IQSEC1: variants seen among roughly 807,000 people sequenced by gnomAD.
The protein encoded by IQSEC1 is IQ motif and SEC7 domain-containing protein 1.
In IQSEC1, 31 loss-of-function variants were observed where a neutral mutation model predicts 91.0. The observed-to-expected ratio is 0.34, with a 90% CI of 0.26 to 0.46. IQSEC1 has a LOEUF of 0.46. IQSEC1 is among the 20% of genes least tolerant of loss of function. IQSEC1 has a pLI of 1.00. For missense variants in IQSEC1, 1,388 were observed against 1,575.6 expected, an observed-to-expected ratio of 0.88 and a Z score of 2.02; for synonymous variants, 699 against 662.6, an observed-to-expected ratio of 1.05 and a Z score of -0.84.
chr3:12,951,549 C>G (rs1699547403), intron 1 of IQSEC1, among the ~76,000 whole-genome samples: 1 of 152,194 alleles, frequency 6.6e-6, no homozygotes, highest in Middle Eastern at 3.2e-3. Flanking sequence ...TAGTGCCGGT[C>G]AGCCATACCC....
chr3:13,236,779 G>A (rs963221713), intron 1 of IQSEC1, among the ~76,000 whole-genome samples: 6 of 152,246 alleles, frequency 3.9e-5, no homozygotes, highest in African/African-American at 1.4e-4. Context: ...CATCTACGCT[G>A]CCATCAGCCT....
intron 1 of IQSEC1, among the ~76,000 whole-genome samples, chr3:13,068,011 C>G (rs1449726200): frequency 2.6e-5 from 4 of 152,184 alleles, no homozygotes; most frequent in Non-Finnish European, 5.9e-5. Flanking sequence ...GCTTGCTGGC[C>G]CGCAGGCAAA....
intron 2 of IQSEC1, among the ~76,000 whole-genome samples, chr3:13,160,757 G>A (rs532490006): frequency 6.6e-6 from 1 of 152,290 alleles, no homozygotes; most frequent in East Asian, 1.9e-4. Flanking sequence ...TCCTGCCCAG[G>A]GCTCCCAGCA....
chr3:13,097,203 C>T (rs1178212343), intron 2 of IQSEC1, among the ~76,000 whole-genome samples: 1 of 152,226 alleles, frequency 6.6e-6, no homozygotes, highest in African/African-American at 2.4e-5. Context: ...TGCAAACCTT[C>T]CAGAGGGAAG....
rs980708518 is a variant in IQSEC1, at chr3:12,920,500, G to C, written c.1950C>G (p.Thr650=). 5.0e-6 allele frequency: 8 copies of C among 1,614,050 alleles called. No individual in the cohort carries two copies. The African/African-American group carries it at 1.1e-4, about 22-fold the overall frequency. The change falls in exon 6 of 14, where the codon ACC becomes ACG. Residue 650 remains threonine, a synonymous_variant. Coordinates refer to ENST00000613206, the MANE Select transcript of IQSEC1 (RefSeq NM_001134382.3). ...ILAFAIILLN[T]DMYSPNVKPE... is the part of the protein sequence containing the mutation. The stretch of plus-strand genomic sequence containing the variant: ...GCTTGACATTGGGGCTGTACATGTC[G>C]GTGTTCAGCAGGATGATGGCGAAGG...
chr3:12,919,617 G>C (rs1696425371), intron 6 of IQSEC1, among the ~76,000 whole-genome samples: 1 of 152,260 alleles, frequency 6.6e-6, no homozygotes, highest in Non-Finnish European at 1.5e-5. Flanking sequence ...GAGCCAGGCT[G>C]TATTCACACT....
intron 1 of IQSEC1, among the ~76,000 whole-genome samples, chr3:13,019,014 C>A (rs1703274615): frequency 6.6e-6 from 1 of 152,202 alleles, no homozygotes; most frequent in Non-Finnish European, 1.5e-5. Context: ...TGCTGGATGC[C>A]AAGCCAACAG....
chr3:13,139,800 A>G (rs1706769759), intron 2 of IQSEC1, among the ~76,000 whole-genome samples: 1 of 152,228 alleles, frequency 6.6e-6, no homozygotes, highest in African/African-American at 2.4e-5. Flanking sequence ...AAGCCCCAGC[A>G]TCTGCCTACA....
intron 1 of IQSEC1, among the ~76,000 whole-genome samples, chr3:13,005,208 C>T (rs1229524520): frequency 6.6e-6 from 1 of 152,148 alleles, no homozygotes; most frequent in Non-Finnish European, 1.5e-5. Flanking sequence ...TGATGATAAA[C>T]AGGTCTCTTC....
chr3:13,021,187 C>T (rs577367101), intron 1 of IQSEC1, among the ~76,000 whole-genome samples: 1 of 152,308 alleles, frequency 6.6e-6, no homozygotes, highest in African/African-American at 2.4e-5. Flanking sequence ...GATGGGGAGA[C>T]CCCAGCCTTG....
intron 5 of IQSEC1, 136 bp from the exon 6 acceptor site, chr3:12,920,732 G>C (rs1696554897): frequency 3.2e-6 from 3 of 926,966 alleles, no homozygotes; most frequent in Middle Eastern, 3.3e-4. Flanking sequence ...CTGCCTGTCG[G>C]AGTTGGCCCT....
chr3:12,940,590 C>T lies in IQSEC1; in HGVS notation c.318+981G>A, dbSNP rs1354778114. ...GCAGGGGCAGAGGCAGCTGCCTGGG[C>T]ATCTGGAGGAGCTGTCTAGAGCTCA... is the stretch of plus-strand genomic sequence containing the variant. On this transcript the variant is annotated intron_variant, in intron 2 of 13. Coordinates refer to ENST00000613206, the MANE Select transcript of IQSEC1 (RefSeq NM_001134382.3). The surrounding 1 kb of genome is among the most constrained non-coding windows in gnomAD (Gnocchi z 4.4). 1.3e-5 allele frequency among the ~76,000 whole-genome samples: 2 copies of T among 151,684 alleles called. No individual in the cohort carries two copies. Among genetic ancestry groups the T allele is most frequent in the Admixed American group, 6.6e-5 (1 of 15,244 alleles).
chr3:12,976,345 G>A (rs1225628722), intron 1 of IQSEC1, among the ~76,000 whole-genome samples: 1 of 152,204 alleles, frequency 6.6e-6, no homozygotes, highest in Non-Finnish European at 1.5e-5. Context: ...TGGGGAAGCG[G>A]TCCTTGCCTT....
At chr3:13,274,572 G>A (rs1192687100) in intron 1 of IQSEC1, among the ~76,000 whole-genome samples, 1 of 152,230 alleles carries the variant, frequency 6.6e-6, no homozygotes. Flanking sequence ...GCCAGAAGAG[G>A]GGCCCCCATC....
At chr3:13,188,600 T>G (rs1185287484) in intron 1 of IQSEC1, among the ~76,000 whole-genome samples, 2 of 152,234 alleles carry the variant, frequency 1.3e-5, no homozygotes, top group Non-Finnish European at 1.5e-5. Context: ...AACCCAGCTT[T>G]GAACCATGCT....
At chr3:13,066,712 C>G (rs1705243573) in intron 1 of IQSEC1, among the ~76,000 whole-genome samples, 1 of 152,230 alleles carries the variant, frequency 6.6e-6, no homozygotes, top group Admixed American at 6.5e-5. Flanking sequence ...CCACCCCGTT[C>G]TCTTCCCAGC....
At chr3:13,187,687 T>C (rs1031260655) in intron 1 of IQSEC1, among the ~76,000 whole-genome samples, 1 of 152,168 alleles carries the variant, frequency 6.6e-6, no homozygotes, top group Admixed American at 6.5e-5. Flanking sequence ...CTGACTATCT[T>C]AGTCCATTCA....
At chr3:13,245,101 G>C (rs868711530) in intron 1 of IQSEC1, among the ~76,000 whole-genome samples, 25 of 152,320 alleles carry the variant, frequency 1.6e-4, no homozygotes, top group African/African-American at 5.5e-4. Context: ...AGGTGAGCCA[G>C]AGATGCTTCT....
intron 1 of IQSEC1, among the ~76,000 whole-genome samples, chr3:13,194,213 G>T (rs1245195803): frequency 6.6e-6 from 1 of 152,174 alleles, no homozygotes; most frequent in Non-Finnish European, 1.5e-5. Flanking sequence ...TATGAATTTG[G>T]GGGTGTGTAA....
Sources: allele counts gnomAD v4.1 joint callset (sites outside exome capture counted in the v4.1 genomes callset), GRCh38; gene constraint gnomAD v4.1.1; non-coding constraint Gnocchi (gnomAD v3.1); transcripts MANE v1.5; gene names NCBI Gene and HGNC (gene_info 2026-07-23, HGNC 2026-07-21).